The following TRPM1 variants were observed in gnomAD, a reference collection of about 807,000 sequenced individuals.
TRPM1 encodes TRPM1-203 APA Isoform, Intron 10.
TRPM1 carries 113 observed loss-of-function variants against 149.4 expected under a neutral mutation model. The ratio of observed to expected loss-of-function variants is 0.76; its 90% CI spans 0.65 to 0.88. The LOEUF is 0.88. Ranked by LOEUF, TRPM1 falls within the 40% of genes least tolerant of loss-of-function variation. TRPM1 has a pLI of 0.00. For synonymous variants in TRPM1, 741 were observed against 759.5 expected (o/e 0.98, Z 0.40); for missense variants, 1,976 against 2,038.7 (o/e 0.97, Z 0.59).
chr15:31,068,213 C>T (rs2034436838), intron 4 of TRPM1, 121 bp from the exon 5 acceptor site: 1 of 872,630 alleles, frequency 1.1e-6, no homozygotes, highest in Non-Finnish European at 1.9e-6. Context: ...CCTCAGGGCC[C>T]TGGAGCCCTC....
intron 7 of TRPM1, 105 bp from the exon 8 acceptor site, chr15:31,063,397 G>T: frequency 7.1e-7 from 1 of 1,417,712 alleles, no homozygotes; most frequent in Non-Finnish European, 1.0e-6. Flanking sequence ...TACGACTTGG[G>T]GGATGTTCTA....
chr15:31,111,163 A>T (rs1200829970), intron 1 of TRPM1, among the ~76,000 whole-genome samples: 1 of 152,148 alleles, frequency 6.6e-6, no homozygotes, highest in Non-Finnish European at 1.5e-5. Context: ...GCCATGAGTA[A>T]AGGTTGCAGC....
chr15:31,151,448 C>G (rs1011704522), intron 1 of TRPM1, among the ~76,000 whole-genome samples: 3 of 152,204 alleles, frequency 2.0e-5, no homozygotes, highest in Non-Finnish European at 4.4e-5. Flanking sequence ...CAAGGGTATC[C>G]CCTTGTCTCT....
At chr15:31,049,336 G>T in intron 13 of TRPM1, 39 bp downstream of exon 13, 1 of 1,613,814 alleles carries the variant, frequency 6.2e-7, no homozygotes, top group African/African-American at 1.3e-5. Context: ...CATTTAGGTG[G>T]CTGCCTCCCG....
intron 2 of TRPM1, among the ~76,000 whole-genome samples, chr15:31,078,642 G>A (rs977562071): frequency 1.3e-5 from 2 of 152,290 alleles, no homozygotes; most frequent in African/African-American, 2.4e-5. Flanking sequence ...AGCATGGAGC[G>A]GGAGCCTCTG....
Position 31,133,700 on chromosome 15 carries a change from A to G in TRPM1, c.54+27206T>C, listed in dbSNP as rs987577812. On this transcript the variant is annotated intron_variant, in intron 1 of 26. Transcript: ENST00000542188. Reference sequence around the variant, plus strand: ...GTCTCAAAAACAAAACAAAAAAAAAATTGGGAGGGGGTGGGAAACTGAAGG... The same window carrying G: ...GTCTCAAAAACAAAACAAAAAAAAAGTTGGGAGGGGGTGGGAAACTGAAGG... Among the ~76,000 whole-genome samples the G allele has an allele frequency of 6.1e-5, 9 of 146,702 alleles. No individual in the cohort carries two copies. In the South Asian group the frequency reaches 7.0e-4, roughly 11 times the overall value.
chr15:31,094,149 G>A (rs926511331), intron 1 of TRPM1, among the ~76,000 whole-genome samples: 1 of 152,122 alleles, frequency 6.6e-6, no homozygotes, highest in Admixed American at 6.6e-5. Flanking sequence ...TGGAAAATTG[G>A]ATATCCACAT....
rs147561656 is a variant in TRPM1 at position 31,063,103 on chromosome 15, C to G, written c.965+15G>C. The G allele has an allele frequency of 6.2e-7, 1 of 1,614,096 alleles. No individual in the cohort carries two copies. Among genetic ancestry groups the G allele is most frequent in the Non-Finnish European group, 8.5e-7 (1 of 1,180,018 alleles). On this transcript the variant is annotated intron_variant, in intron 8 of 27. Coordinates refer to ENST00000256552, the MANE Select transcript of TRPM1 (RefSeq NM_001252024.2). ...AGTTACGAACCCGCCCTTCCTCGCG[C>G]GTCAGAAATCCTACCCGCCTTCTTC...
intron 27 of TRPM1, among the ~76,000 whole-genome samples, chr15:31,016,403 T>A (rs979318561): frequency 6.6e-6 from 1 of 152,230 alleles, no homozygotes; most frequent in South Asian, 2.1e-4. Context: ...ATTATCTTCC[T>A]TTCCCTCTAA....
At chr15:31,113,587 G>A (rs2035744608) in intron 1 of TRPM1, among the ~76,000 whole-genome samples, 1 of 152,064 alleles carries the variant, frequency 6.6e-6, no homozygotes, top group African/African-American at 2.4e-5. Context: ...CCATACAACT[G>A]CAGGTTTGTT....
intron 1 of TRPM1, among the ~76,000 whole-genome samples, chr15:31,142,229 A>G (rs1191157994): frequency 6.6e-6 from 1 of 152,194 alleles, no homozygotes; most frequent in East Asian, 1.9e-4. Flanking sequence ...ATCATTAGGA[A>G]CTTTTACAAT....
chr15:31,084,748 A>G (rs2034952995), intron 1 of TRPM1, among the ~76,000 whole-genome samples: 1 of 144,690 alleles, frequency 6.9e-6, no homozygotes, highest in Admixed American at 7.1e-5. Flanking sequence ...ATCTTGGCTC[A>G]CTGCAAACTC....
chr15:31,017,774 T>C (rs1018805272), intron 27 of TRPM1, among the ~76,000 whole-genome samples: 2 of 152,242 alleles, frequency 1.3e-5, no homozygotes, highest in African/African-American at 4.8e-5. Context: ...GTTAAGGGGT[T>C]GTACATAATG....
chr15:31,086,177 G>A (rs2034994694), intron 1 of TRPM1, among the ~76,000 whole-genome samples: 1 of 152,208 alleles, frequency 6.6e-6, no homozygotes, highest in Non-Finnish European at 1.5e-5. Flanking sequence ...GGGACCACTG[G>A]GGAACACCTG....
At position 31,024,616 on chromosome 15, in the gene TRPM1, T is replaced by C. The variant is rs1277990196; in HGVS notation, c.3629+1523A>G. On this transcript the variant is annotated intron_variant, in intron 27 of 27. Transcript: ENST00000256552. ...TGGTAGTGACCTGATAACCACACTC[T>C]TGCAGCTTTGGTCCAAGAATGGTAA... 3.3e-5 allele frequency among the ~76,000 whole-genome samples: 5 copies of C among 152,124 alleles called. No individual in the cohort carries two copies. In the East Asian group the frequency reaches 7.7e-4, roughly 23 times the overall value.
intron 1 of TRPM1, among the ~76,000 whole-genome samples, chr15:31,084,986 G>A (rs1312822996): frequency 6.6e-6 from 1 of 151,920 alleles, no homozygotes. Context: ...GCCGTGCCCA[G>A]CCAACATTTT....
At chr15:31,021,012 G>C (rs2032534433) in intron 27 of TRPM1, among the ~76,000 whole-genome samples, 2 of 152,126 alleles carry the variant, frequency 1.3e-5, no homozygotes, top group Non-Finnish European at 2.9e-5. Flanking sequence ...CCTGAAGTCT[G>C]CATCTGTCTC....
rs1302749966 is a variant in TRPM1, at chr15:31,047,914, T to C, written c.1598A>G (p.His533Arg). 6.2e-6 allele frequency: 10 copies of C among 1,613,914 alleles called. No individual in the cohort carries two copies. Among genetic ancestry groups the C allele is most frequent in the Non-Finnish European group, 7.6e-6 (9 of 1,179,864 alleles). ...NTRLGPPNTLHLLVRDVKKSN... is the reference protein window; with the variant it reads ...NTRLGPPNTLRLLVRDVKKSN... ...CTTTTTCACATCCCTCACCAGCAGATGAAGTGTGTTTGGTGGACCCAGTCT... is the reference window on the plus strand; with the variant it reads ...CTTTTTCACATCCCTCACCAGCAGACGAAGTGTGTTTGGTGGACCCAGTCT... Residue 533 changes from histidine (H) to arginine (R), a missense_variant, in exon 14 of 28, where the codon CAT (histidine) becomes CGT (arginine). His to Arg is a conservative substitution (Grantham distance 29). Around this residue, in one of 3 missense-constraint regions of TRPM1, gnomAD observed 1,332 missense variants for 1,347.1 expected, o/e 0.99. Transcript: ENST00000256552.
chr15:31,021,460 C>T (rs902257329), intron 27 of TRPM1, among the ~76,000 whole-genome samples: 1 of 152,182 alleles, frequency 6.6e-6, no homozygotes, highest in Non-Finnish European at 1.5e-5. Context: ...CTTTGGGAGG[C>T]TAAGGCGGGA....
Sources: allele counts gnomAD v4.1 joint callset (sites outside exome capture counted in the v4.1 genomes callset), GRCh38; gene constraint gnomAD v4.1.1; regional missense constraint gnomAD v4.1.1; transcripts MANE v1.5; gene names NCBI Gene and HGNC (gene_info 2026-07-23, HGNC 2026-07-21).